IFNGR2: variants seen among roughly 807,000 people sequenced by gnomAD.
IFNGR2 encodes IFN-gamma receptor 2.
Under a neutral mutation model 41.1 loss-of-function variants are expected in IFNGR2, and 15 were observed. The observed-to-expected ratio is 0.37, with a 90% CI of 0.24 to 0.56. The LOEUF is 0.56. Ranked by LOEUF, IFNGR2 falls within the 20% of genes least tolerant of loss-of-function variation. The probability of loss-of-function intolerance (pLI) is 0.81; values close to 1 mark genes in which losing one functional copy is unlikely to be tolerated. For missense variants in IFNGR2, 362 were observed against 415.7 expected, an observed-to-expected ratio of 0.87 and a Z score of 1.12; for synonymous variants, 161 against 171.6, an observed-to-expected ratio of 0.94 and a Z score of 0.48.
rs2083818663 is a variant in IFNGR2, at chr21:33,424,375, G to C, written c.413-2509G>C. ...GAAGGTAACAGAAGCAGGATGTATC[G>C]TGACAGTGGGTCCGGTGCCAGCCAG... On this transcript the variant is annotated intron_variant, in intron 3 of 6. Coordinates refer to ENST00000290219, the MANE Select transcript of IFNGR2 (RefSeq NM_005534.4). Among the ~76,000 whole-genome samples, 4 of 152,216 alleles carry C rather than the reference G, an allele frequency of 2.6e-5. No homozygotes were observed. In the South Asian group the frequency reaches 8.3e-4, roughly 32 times the overall value.
intron 1 of IFNGR2, among the ~76,000 whole-genome samples, chr21:33,407,843 C>T (rs963032254): frequency 3.4e-4 from 37 of 107,278 alleles, no homozygotes; most frequent in African/African-American, 1.3e-3. Context: ...TGATCCCCAC[C>T]GCACCCCCCC....
intron 3 of IFNGR2, among the ~76,000 whole-genome samples, chr21:33,424,319 G>A (rs369579613): frequency 3.3e-5 from 5 of 151,568 alleles, no homozygotes; most frequent in Middle Eastern, 3.4e-3. Context: ...AAAAAGGAAT[G>A]ATACTTACCG....
At chr21:33,415,078 C>T (rs890147930) in intron 2 of IFNGR2, 58 bp downstream of exon 2, 15 of 1,597,846 alleles carry the variant, frequency 9.4e-6, no homozygotes, top group Non-Finnish European at 1.2e-5. Flanking sequence ...CGTGCGGAAC[C>T]CTGGGGCCAC....
chr21:33,414,253 G>A (rs542106816), intron 1 of IFNGR2, among the ~76,000 whole-genome samples: 4 of 152,256 alleles, frequency 2.6e-5, no homozygotes, highest in Admixed American at 2.6e-4. Context: ...GCGATGCTGG[G>A]GGTCCTTGAG....
At chr21:33,427,656 G>A (rs1412820202) in intron 4 of IFNGR2, among the ~76,000 whole-genome samples, 2 of 152,114 alleles carry the variant, frequency 1.3e-5, no homozygotes, top group Admixed American at 6.6e-5. Context: ...AAGCATCATG[G>A]TCTTGAAGCA....
chr21:33,433,032 C>G (rs1028456497), intron 6 of IFNGR2, among the ~76,000 whole-genome samples, 161 bp downstream of exon 6: 3 of 152,196 alleles, frequency 2.0e-5, no homozygotes, highest in Admixed American at 1.3e-4. Flanking sequence ...ATTACAAGTG[C>G]TCACCACCAT....
chr21:33,429,228 G>T (rs2083865024), intron 4 of IFNGR2, among the ~76,000 whole-genome samples: 1 of 152,120 alleles, frequency 6.6e-6, no homozygotes, highest in African/African-American at 2.4e-5. Context: ...GGATGAAAAT[G>T]ACTCTGAAAG....
chr21:33,405,363 T>G (rs1245640456), intron 1 of IFNGR2, among the ~76,000 whole-genome samples: 1 of 152,184 alleles, frequency 6.6e-6, no homozygotes, highest in Non-Finnish European at 1.5e-5. Context: ...GCCTTGCACT[T>G]GAGGAAATTA....
intron 3 of IFNGR2, among the ~76,000 whole-genome samples, chr21:33,426,100 G>A (rs2083833323): frequency 6.6e-6 from 1 of 151,950 alleles, no homozygotes; most frequent in African/African-American, 2.4e-5. Flanking sequence ...GACTTACATG[G>A]CAACACTTCT....
At chr21:33,407,842 C>A in intron 1 of IFNGR2, among the ~76,000 whole-genome samples, 1 of 107,592 alleles carries the variant, frequency 9.3e-6, no homozygotes, top group Non-Finnish European at 1.9e-5. Flanking sequence ...GTGATCCCCA[C>A]CGCACCCCCC....
intron 1 of IFNGR2, among the ~76,000 whole-genome samples, chr21:33,414,501 C>G (rs527989101): frequency 8.2e-4 from 125 of 152,324 alleles, no homozygotes; most frequent in Middle Eastern, 3.4e-3. Flanking sequence ...ATTATTGACC[C>G]CTTATTCCTG....
chr21:33,429,571 CT>C (rs2083868519), intron 4 of IFNGR2, among the ~76,000 whole-genome samples: 1 of 152,164 alleles, frequency 6.6e-6, no homozygotes, highest in Admixed American at 6.5e-5. Context: ...GGAGCCCTTC[CT>C]GAGCTGAGTC....
Position 33,434,999 on chromosome 21 carries a change from T to C in IFNGR2, c.880-1829T>C, listed in dbSNP as rs572947233. Among the ~76,000 whole-genome samples, 75 of 152,294 alleles carry C rather than the reference T, an allele frequency of 4.9e-4. 1 individual carries two copies. The highest frequency in any genetic ancestry group is 2.0e-3 in the Admixed American group (30 of 15,290). On this transcript the variant is annotated intron_variant, in intron 6 of 6. Coordinates refer to ENST00000290219, the MANE Select transcript of IFNGR2 (RefSeq NM_005534.4). Reference sequence around the variant, plus strand: ...CTCTGAGTTACATGGGAACAGTGAATCATGTTTCACTTATAATTCTGGGGT... The same window carrying C: ...CTCTGAGTTACATGGGAACAGTGAACCATGTTTCACTTATAATTCTGGGGT...
Position 33,420,634 on chromosome 21 carries a change from A to G in IFNGR2, c.207-846A>G, listed in dbSNP as rs542130551. On this transcript the variant is annotated intron_variant, in intron 2 of 6. Coordinates refer to ENST00000290219, the MANE Select transcript of IFNGR2 (RefSeq NM_005534.4). ...TACAGAGACTGAGTTTGAAGTATTA[A>G]AATCAGTTATGGGATGGAATGGGAG... Among the ~76,000 whole-genome samples, 50 of 152,328 alleles carry G rather than the reference A, an allele frequency of 3.3e-4. 1 individual carries two copies. In the South Asian group the frequency reaches 0.01, roughly 31 times the overall value.
chr21:33,432,042 C>G, intron 4 of IFNGR2, 135 bp from the exon 5 acceptor site: 1 of 803,792 alleles, frequency 1.2e-6, no homozygotes, highest in South Asian at 1.4e-5. Context: ...CACTGCCAGC[C>G]AGTGACCCAC....
At chr21:33,434,514 T>C (rs999186036) in intron 6 of IFNGR2, among the ~76,000 whole-genome samples, 1 of 152,002 alleles carries the variant, frequency 6.6e-6, no homozygotes, top group African/African-American at 2.4e-5. Flanking sequence ...AGAGCAAGAC[T>C]CCATCTCAAA....
chr21:33,427,659 T>C (rs1001810999), intron 4 of IFNGR2, among the ~76,000 whole-genome samples: 6 of 152,148 alleles, frequency 3.9e-5, no homozygotes, highest in Non-Finnish European at 8.8e-5. Flanking sequence ...CATCATGGTC[T>C]TGAAGCATCT....
chr21:33,415,007 G>A lies in IFNGR2; in HGVS notation c.193G>A (p.Val65Met). 6.2e-7 allele frequency: 1 copy of A among 1,614,176 alleles called. No homozygotes were observed. Among genetic ancestry groups the A allele is most frequent in the Non-Finnish European group, 8.5e-7 (1 of 1,180,036 alleles). Residue 65 changes from valine to methionine, a missense_variant, in exon 2 of 7, where the codon GTG becomes ATG. Val to Met is a conservative substitution (Grantham distance 21). Coordinates refer to ENST00000290219, the MANE Select transcript of IFNGR2 (RefSeq NM_005534.4). The stretch of plus-strand genomic sequence containing the variant: ...TAGCACGAGGCCTGTTGTCTACCAA[G>A]TGCAGTTTAAATAGTAAGCCGGTAT... ...SNSTRPVVYQ[V>M]QFKYTDSKWF...
chr21:33,416,779 G>A (rs1422462992), intron 2 of IFNGR2, among the ~76,000 whole-genome samples: 9 of 147,430 alleles, frequency 6.1e-5, no homozygotes, highest in African/African-American at 2.3e-4. Flanking sequence ...CCGAGATCGT[G>A]CCACTGCACT....
Sources: allele counts gnomAD v4.1 joint callset (sites outside exome capture counted in the v4.1 genomes callset), GRCh38; gene constraint gnomAD v4.1.1; transcripts MANE v1.5; gene names NCBI Gene and HGNC (gene_info 2026-07-23, HGNC 2026-07-21).